Variants in PTPRQ observed in about 807,000 individuals in gnomAD.
The protein encoded by PTPRQ is protein tyrosine phosphatase receptor type Q, also known as phosphatidylinositol phosphatase PTPRQ.
In PTPRQ, 199 loss-of-function variants were observed where a neutral mutation model predicts 246.0. The ratio of observed to expected loss-of-function variants is 0.81; its 90% CI spans 0.72 to 0.91. PTPRQ has a LOEUF of 0.91. PTPRQ is among the 40% of genes least tolerant of loss of function. The pLI is 0.00. For missense variants in PTPRQ, 2,624 were observed against 2,528.4 expected, an observed-to-expected ratio of 1.04 and a Z score of -0.81; for synonymous variants, 869 against 853.2, an observed-to-expected ratio of 1.02 and a Z score of -0.32.
chr12:80,575,226 TAGAAG>T (rs1282978412), intron 25 of PTPRQ, among the ~76,000 whole-genome samples: 2 of 152,304 alleles, frequency 1.3e-5, no homozygotes, highest in African/African-American at 4.8e-5. Flanking sequence ...GATGGGTAGA[TAGAAG>T]AGGAGTTTAC....
intron 9 of PTPRQ, among the ~76,000 whole-genome samples, chr12:80,493,062 G>T (rs972836164): frequency 1.3e-5 from 2 of 151,876 alleles, no homozygotes; most frequent in Non-Finnish European, 2.9e-5. Flanking sequence ...TGTTCTCTTA[G>T]GAAATACAAT....
At chr12:80,493,896 G>A (rs1307311128) in intron 10 of PTPRQ, among the ~76,000 whole-genome samples, 2 of 151,946 alleles carry the variant, frequency 1.3e-5, no homozygotes, top group Admixed American at 6.6e-5. Flanking sequence ...TGACCCCAAC[G>A]ATGTGGTGAT....
intron 39 of PTPRQ, among the ~76,000 whole-genome samples, chr12:80,668,226 A>C (rs1592777888): frequency 6.6e-6 from 1 of 151,916 alleles, no homozygotes; most frequent in East Asian, 1.9e-4. Flanking sequence ...TACTGTTCAC[A>C]ATTATATAAA....
chr12:80,673,188 G>A lies in PTPRQ; in HGVS notation c.6622G>A (p.Gly2208Arg), dbSNP rs374949731. Residue 2208 changes from glycine to arginine, a missense_variant, in exon 43 of 45, where the codon GGA becomes AGA. Coordinates refer to ENST00000644991, the MANE Select transcript of PTPRQ (RefSeq NM_001145026.2). The stretch of plus-strand genomic sequence containing the variant: ...CTGTAGTGCTGGAGTTGGAAGAACT[G>A]GAGTTTTTATTGCTCTGGACCATTT... ...VHCSAGVGRTGVFIALDHLTQ... is the reference protein window; with the variant it reads ...VHCSAGVGRTRVFIALDHLTQ... 2.6e-6 allele frequency: 4 copies of A among 1,550,602 alleles called. No individual in the cohort carries two copies. In the African/African-American group the frequency reaches 5.5e-5, roughly 21 times the overall value.
chr12:80,615,362 T>C (rs1161112918), intron 29 of PTPRQ, among the ~76,000 whole-genome samples: 1 of 151,050 alleles, frequency 6.6e-6, no homozygotes, highest in Non-Finnish European at 1.5e-5. Flanking sequence ...GCCACTAATA[T>C]ATAAAACAAA....
At chr12:80,630,107 G>A (rs564935964) in intron 33 of PTPRQ, among the ~76,000 whole-genome samples, 5 of 152,124 alleles carry the variant, frequency 3.3e-5, no homozygotes, top group Non-Finnish European at 4.4e-5. Flanking sequence ...TTGTATATAC[G>A]TTTTCAAATC....
At chr12:80,636,134 A>G (rs1404486816) in intron 35 of PTPRQ, among the ~76,000 whole-genome samples, 4 of 152,194 alleles carry the variant, frequency 2.6e-5, no homozygotes, top group African/African-American at 9.6e-5. Flanking sequence ...AATTGCAGGG[A>G]AATGTGTTTT....
chr12:80,516,716 G>A (rs1772427932), intron 17 of PTPRQ, among the ~76,000 whole-genome samples: 1 of 152,172 alleles, frequency 6.6e-6, no homozygotes, highest in South Asian at 2.1e-4. Flanking sequence ...TTTTCACCGT[G>A]TTAAAAATGA....
intron 8 of PTPRQ, among the ~76,000 whole-genome samples, chr12:80,483,984 GTTTT>G (rs1170259944): frequency 2.0e-5 from 2 of 100,800 alleles, no homozygotes; most frequent in East Asian, 4.5e-4. Flanking sequence ...TTTCTTTCTT[GTTTT>G]TTGTTTGTTT....
chr12:80,664,566 T>C (rs954849514), intron 39 of PTPRQ, among the ~76,000 whole-genome samples: 25 of 152,022 alleles, frequency 1.6e-4, no homozygotes, highest in Admixed American at 1.2e-3. Context: ...TCTTACATCA[T>C]AAAAATATCT....
chr12:80,618,627 C>A (rs866835906), intron 30 of PTPRQ, among the ~76,000 whole-genome samples: 1 of 151,354 alleles, frequency 6.6e-6, no homozygotes, highest in Non-Finnish European at 1.5e-5. Flanking sequence ...CATTGTAAAA[C>A]AAAGCTAATT....
At chr12:80,477,941 C>T (rs1034342801) in intron 8 of PTPRQ, among the ~76,000 whole-genome samples, 3 of 152,314 alleles carry the variant, frequency 2.0e-5, no homozygotes, top group East Asian at 3.9e-4. Context: ...AAGGCGGCAG[C>T]GAAGCTGGGT....
At chr12:80,585,731 C>CTT (rs201849443) in intron 25 of PTPRQ, among the ~76,000 whole-genome samples, 1 of 146,692 alleles carries the variant, frequency 6.8e-6, no homozygotes, top group African/African-American at 2.5e-5. Context: ...TCTTCTTTTT[C>CTT]TTTTTTTTTT....
chr12:80,574,525 T>C (rs1245213481), intron 25 of PTPRQ, among the ~76,000 whole-genome samples: 1 of 152,202 alleles, frequency 6.6e-6, no homozygotes, highest in Non-Finnish European at 1.5e-5. Context: ...GTTAACTATA[T>C]ATTTTTAGCA....
At chr12:80,545,762 T>C (rs1896283778) in intron 23 of PTPRQ, among the ~76,000 whole-genome samples, 1 of 147,640 alleles carries the variant, frequency 6.8e-6, no homozygotes, top group Non-Finnish European at 1.5e-5. Context: ...ATAATAATAA[T>C]TTATTATTAT....
At position 80,592,246 on chromosome 12, in the gene PTPRQ, A is replaced by G. The variant is rs146058870; in HGVS notation, c.4609+3794A>G. Among the ~76,000 whole-genome samples, 866 of 152,330 alleles carry G rather than the reference A, an allele frequency of 5.7e-3. 21 individuals carry two copies. Among genetic ancestry groups the G allele is most frequent in the South Asian group, 3.7e-3 (18 of 4,830 alleles). On this transcript the variant is annotated intron_variant, in intron 26 of 44. Transcript: ENST00000644991. ...CATTCTCAAAACTCATAGCTTTTCA[A>G]CTAAGTAGTCATAAGTGGTTGAGGA...
chr12:80,587,347 T>C (rs1037745111), intron 25 of PTPRQ, among the ~76,000 whole-genome samples: 20 of 152,234 alleles, frequency 1.3e-4, no homozygotes, highest in Admixed American at 1.3e-3. Context: ...CCGTTGAAGA[T>C]ATACAAAGAA....
In PTPRQ at chr12:80,468,624, G is replaced by C. The variant is rs973767634; in HGVS notation, c.911-86G>C. The C allele has an allele frequency of 1.3e-4, 162 of 1,243,560 alleles. 1 individual carries two copies. The highest frequency in any genetic ancestry group is 1.3e-3 in the African/African-American group (83 of 63,770). 77.0% of individuals were successfully genotyped at this position (1,243,560 alleles called of 1,614,324 possible). A position where few individuals can be genotyped will look rare whatever the true frequency, so the allele number is the denominator to read the frequency against. On this transcript the variant is annotated intron_variant, in intron 6 of 44. Coordinates refer to ENST00000644991, the MANE Select transcript of PTPRQ (RefSeq NM_001145026.2). The stretch of plus-strand genomic sequence containing the variant: ...GCGCGATATTTTATTTTCCTTCTTT[G>C]CCTTTGTGTTTTATTATGTGTATTT...
intron 19 of PTPRQ, among the ~76,000 whole-genome samples, chr12:80,536,266 C>T (rs1000903597): frequency 2.6e-5 from 4 of 152,182 alleles, no homozygotes; most frequent in Non-Finnish European, 5.9e-5. Flanking sequence ...CTTACAAATT[C>T]TGAGTTACCT....
Sources: gnomAD v4.1 joint callset for allele counts (sites outside exome capture counted in the v4.1 genomes callset) on GRCh38, gnomAD v4.1.1 for gene constraint, MANE v1.5 for transcripts, NCBI Gene and HGNC (gene_info 2026-07-23, HGNC 2026-07-21) for gene names.